Variants in PRKAA2 observed in about 807,000 individuals in gnomAD.
The protein encoded by PRKAA2 is 5'-AMP-activated protein kinase catalytic subunit alpha-2.
In PRKAA2, 40 loss-of-function variants were observed where a neutral mutation model predicts 56.3. The observed-to-expected ratio is 0.71, with a 90% CI of 0.55 to 0.92. PRKAA2 has a LOEUF of 0.92. Ranked by LOEUF, PRKAA2 falls within the 40% of genes least tolerant of loss-of-function variation. PRKAA2 has a pLI of 0.00. For missense variants in PRKAA2, 542 were observed against 686.9 expected (o/e 0.79, Z 2.36); for synonymous variants, 214 against 234.2 (o/e 0.91, Z 0.79).
intron 1 of PRKAA2, among the ~76,000 whole-genome samples, chr1:56,668,914 G>T (rs1344840306): frequency 6.6e-6 from 1 of 152,148 alleles, no homozygotes; most frequent in Non-Finnish European, 1.5e-5. Context: ...TGTATATAAA[G>T]ACAAATGTGT....
chr1:56,673,484 A>C (rs1644091973), intron 1 of PRKAA2, among the ~76,000 whole-genome samples: 1 of 152,222 alleles, frequency 6.6e-6, no homozygotes, highest in Non-Finnish European at 1.5e-5. Context: ...AGATGTTTTG[A>C]GGAGAGTAGT....
At chr1:56,655,280 A>ATATATATATATATATATTTTTTTTT in intron 1 of PRKAA2, among the ~76,000 whole-genome samples, 1 of 93,654 alleles carries the variant, frequency 1.1e-5, no homozygotes, top group South Asian at 5.3e-4. Context: ...ATATATATAT[A>ATATATATATATATATATTTTTTTTT]TTTTTTTTTT....
chr1:56,691,607 T>A, intron 3 of PRKAA2, 120 bp downstream of exon 3: 1 of 587,976 alleles, frequency 1.7e-6, no homozygotes, highest in Non-Finnish European at 2.7e-6. Context: ...AGTGCTCAAC[T>A]AAACATGTAG....
intron 1 of PRKAA2, among the ~76,000 whole-genome samples, chr1:56,659,500 AAAAAAAAAAGG>A (rs1320166662): frequency 6.6e-6 from 1 of 151,806 alleles, no homozygotes; most frequent in African/African-American, 2.4e-5. Flanking sequence ...CTGTCTCAAA[AAAAAAAAAAGG>A]AAAAAAAAAG....
chr1:56,670,952 C>T (rs892088658), intron 1 of PRKAA2, among the ~76,000 whole-genome samples: 2 of 152,008 alleles, frequency 1.3e-5, no homozygotes, highest in African/African-American at 4.8e-5. Context: ...AACTTGGAGG[C>T]GTATTAAAAA....
At chr1:56,697,711 C>T (rs1644267844) in intron 6 of PRKAA2, among the ~76,000 whole-genome samples, 1 of 151,744 alleles carries the variant, frequency 6.6e-6, no homozygotes, top group Non-Finnish European at 1.5e-5. Flanking sequence ...GCCTGTAATC[C>T]CAACACTTTG....
chr1:56,651,873 G>T (rs1403211856), intron 1 of PRKAA2, among the ~76,000 whole-genome samples: 3 of 150,944 alleles, frequency 2.0e-5, no homozygotes, highest in East Asian at 3.9e-4. Context: ...GACTAGTCTG[G>T]CTCTGTCGCC....
At position 56,711,099 on chromosome 1, in the gene PRKAA2, A is replaced by C. The variant is rs565051902; in HGVS notation, c.*3386A>C. On this transcript the variant is annotated 3_prime_UTR_variant, in exon 9 of 9. Transcript: ENST00000371244. ...CTTTATACTAGCTATCTATAAAGAG[A>C]ATCCAGAAGGCTAAATTAATCAGAA... 7.2e-5 allele frequency: 11 copies of C among 152,252 alleles called. No homozygotes were observed. Among genetic ancestry groups the C allele is most frequent in the African/African-American group, 2.6e-4 (11 of 41,578 alleles). The allele number at this position is 152,252 out of a possible 1,614,324, so 9.4% of individuals were successfully genotyped here.
chr1:56,682,758 A>G (rs1644163843), intron 2 of PRKAA2, among the ~76,000 whole-genome samples: 1 of 152,188 alleles, frequency 6.6e-6, no homozygotes, highest in South Asian at 2.1e-4. Flanking sequence ...GGTGGCTTTA[A>G]CCAAAGTGAT....
At chr1:56,659,752 A>T (rs1321984655) in intron 1 of PRKAA2, among the ~76,000 whole-genome samples, 1 of 151,978 alleles carries the variant, frequency 6.6e-6, no homozygotes, top group African/African-American at 2.4e-5. Context: ...AACAAGAAAC[A>T]TAAAAATTAG....
In PRKAA2 at chr1:56,686,432, A is replaced by G. The variant is rs368916404; in HGVS notation, c.237-4962A>G. ...AGAATGTTCGTGTTAGTCCATTTTT[A>G]CATTACTATAAAGGAATACTGAAGG... On this transcript the variant is annotated intron_variant, in intron 2 of 8. Coordinates refer to ENST00000371244, the MANE Select transcript of PRKAA2 (RefSeq NM_006252.4). Among the ~76,000 whole-genome samples the G allele has an allele frequency of 3.0e-4, 46 of 152,358 alleles. No individual in the cohort carries two copies. In the South Asian group the frequency reaches 9.5e-3, roughly 32 times the overall value.
chr1:56,705,973 TA>T, intron 7 of PRKAA2, 118 bp from the exon 8 acceptor site: 10 of 834,682 alleles, frequency 1.2e-5, no homozygotes, highest in South Asian at 1.9e-5. Context: ...ACCAGTAATA[TA>T]AAAAAATTAT....
chr1:56,674,129 C>G (rs1333979458), intron 1 of PRKAA2, among the ~76,000 whole-genome samples: 2 of 152,122 alleles, frequency 1.3e-5, no homozygotes, highest in Non-Finnish European at 2.9e-5. Context: ...ATCATTTTCA[C>G]AAATATTCCA....
chr1:56,701,893 C>CA (rs199843877), intron 6 of PRKAA2, among the ~76,000 whole-genome samples: 4,824 of 126,440 alleles, frequency 0.038, 116 homozygotes, highest in East Asian at 0.14. Context: ...GACTCTGTCT[C>CA]AAAAAAAAAA....
intron 2 of PRKAA2, among the ~76,000 whole-genome samples, chr1:56,681,649 A>G (rs1644155935): frequency 6.6e-6 from 1 of 152,168 alleles, no homozygotes; most frequent in Non-Finnish European, 1.5e-5. Flanking sequence ...CAGGTTTGTC[A>G]AAGATCAGAT....
In PRKAA2 at chr1:56,708,741, A is replaced by C. The variant is rs776482108; in HGVS notation, c.*1028A>C. 1.6e-4 allele frequency: 25 copies of C among 152,208 alleles called. No homozygotes were observed. Among genetic ancestry groups the C allele is most frequent in the Non-Finnish European group, 2.9e-4 (20 of 68,020 alleles). 9.4% of individuals were successfully genotyped at this position (152,208 alleles called of 1,614,324 possible). A position where few individuals can be genotyped will look rare whatever the true frequency, so the allele number is the denominator to read the frequency against. On this transcript the variant is annotated 3_prime_UTR_variant, in exon 9 of 9. Transcript: ENST00000371244. The stretch of plus-strand genomic sequence containing the variant: ...TGTCTTTGTTCATTGTTTGATCCTG[A>C]GTGGTTGATTGATATAGCTTTGAAT...
chr1:56,706,036 TGCATAAAAAGGTAGATA>T, intron 7 of PRKAA2, 39 bp from the exon 8 acceptor site: 1 of 1,471,774 alleles, frequency 6.8e-7, no homozygotes, highest in Admixed American at 2.0e-5. Context: ...TGACTTTTTT[TGCATAAAAAGGTAGATA>T]TTTTGTAGTT....
At chr1:56,698,605 A>G (rs1448279719) in intron 6 of PRKAA2, among the ~76,000 whole-genome samples, 1 of 152,220 alleles carries the variant, frequency 6.6e-6, no homozygotes, top group Non-Finnish European at 1.5e-5. Flanking sequence ...TGTGCCATTT[A>G]TACTATTCCA....
In PRKAA2 at chr1:56,713,528, A is replaced by T. The variant is rs960992622; in HGVS notation, c.*5815A>T. 2 of 152,064 alleles carry T rather than the reference A, an allele frequency of 1.3e-5. No homozygotes were observed. The highest frequency in any genetic ancestry group is 4.8e-5 in the African/African-American group (2 of 41,404). 9.4% of individuals were successfully genotyped at this position (152,064 alleles called of 1,614,324 possible). Reference sequence around the variant, plus strand: ...ATCCTAGAATAGAGCACTCTCCAGAAAAAAAAATGAAAAAAGAATTTGGAG... The same window carrying T: ...ATCCTAGAATAGAGCACTCTCCAGATAAAAAAATGAAAAAAGAATTTGGAG... On this transcript the variant is annotated 3_prime_UTR_variant, in exon 9 of 9. Coordinates refer to ENST00000371244, the MANE Select transcript of PRKAA2 (RefSeq NM_006252.4).
Sources: allele counts gnomAD v4.1 joint callset (sites outside exome capture counted in the v4.1 genomes callset), GRCh38; gene constraint gnomAD v4.1.1; transcripts MANE v1.5; gene names NCBI Gene and HGNC (gene_info 2026-07-23, HGNC 2026-07-21).